Variants in KCTD13 observed in about 807,000 individuals in gnomAD.
KCTD13 encodes the protein BTB/POZ domain-containing adapter for CUL3-mediated RhoA degradation protein 1.
A neutral mutation model predicts 32.3 loss-of-function variants in KCTD13; 15 were observed. The observed-to-expected ratio is 0.46, with a 90% CI of 0.31 to 0.71. KCTD13 has a LOEUF of 0.71. KCTD13 is among the 30% of genes least tolerant of loss of function. The probability of loss-of-function intolerance (pLI) is 0.05; values close to 1 mark genes in which losing one functional copy is unlikely to be tolerated. For missense variants in KCTD13, 337 were observed against 452.6 expected (o/e 0.74, Z 2.32); for synonymous variants, 189 against 200.1 (o/e 0.94, Z 0.47).
chr16:29,909,265 A>T (rs1373385067), intron 5 of KCTD13, among the ~76,000 whole-genome samples: 4 of 152,170 alleles, frequency 2.6e-5, no homozygotes, highest in Admixed American at 6.6e-5. Context: ...GCTGGATTGA[A>T]AGTTCATGAG....
chr16:29,922,928 T>C, intron 2 of KCTD13: 1 of 474,796 alleles, frequency 2.1e-6, no homozygotes, highest in South Asian at 4.9e-5. Context: ...GGTGCGAGTG[T>C]AACAGCTGGA....
intron 5 of KCTD13, among the ~76,000 whole-genome samples, chr16:29,909,096 T>C (rs992710795): frequency 3.3e-5 from 5 of 152,064 alleles, no homozygotes; most frequent in Non-Finnish European, 7.4e-5. Flanking sequence ...GCTTCCACTG[T>C]GTGAAAAGGG....
chr16:29,925,600 G>A, intron 1 of KCTD13, 190 bp downstream of exon 1: 1 of 626,184 alleles, frequency 1.6e-6, no homozygotes, highest in Non-Finnish European at 2.8e-6. Flanking sequence ...AAAGGATTGG[G>A]GGAGGAGAAG....
chr16:29,919,095 A>G (rs953091640), intron 2 of KCTD13, among the ~76,000 whole-genome samples: 13 of 152,210 alleles, frequency 8.5e-5, no homozygotes, highest in East Asian at 1.9e-4. Flanking sequence ...TGCCCACCCA[A>G]TATCAGTCAT....
In KCTD13 at chr16:29,906,371, T is replaced by C. The variant is rs1330860099; in HGVS notation, c.*501A>G. 19 of 205,542 alleles carry C rather than the reference T, an allele frequency of 9.2e-5. No homozygotes were observed. The highest frequency in any genetic ancestry group is 1.9e-4 in the Non-Finnish European group (19 of 99,806). 12.7% of individuals were successfully genotyped at this position (205,542 alleles called of 1,614,324 possible). A position where few individuals can be genotyped will look rare whatever the true frequency, so the allele number is the denominator to read the frequency against. The stretch of plus-strand genomic sequence containing the variant: ...ACTTAACTTTATTTCAATAATTTAA[T>C]AGAAAATTAAAATAATAAATAATAT... On this transcript the variant is annotated 3_prime_UTR_variant, in exon 6 of 6. Coordinates refer to ENST00000568000, the MANE Select transcript of KCTD13 (RefSeq NM_178863.5).
chr16:29,913,415 T>C (rs1364941480), intron 2 of KCTD13: 1 of 152,196 alleles, frequency 6.6e-6, no homozygotes, highest in African/African-American at 2.4e-5. Flanking sequence ...GAATTGGTAT[T>C]TTTAAAAAGA....
intron 4 of KCTD13, 102 bp from the exon 5 acceptor site, chr16:29,911,275 C>T: frequency 2.1e-6 from 2 of 930,570 alleles, no homozygotes. Context: ...TGCTCCTGCC[C>T]AGGGCTTTGG....
At chr16:29,910,194 T>G (rs1202875914) in intron 5 of KCTD13, among the ~76,000 whole-genome samples, 1 of 150,906 alleles carries the variant, frequency 6.6e-6, no homozygotes, top group African/African-American at 2.4e-5. Flanking sequence ...GGTCAAGAGA[T>G]TGAGACCATC....
Position 29,923,231 on chromosome 16 carries a change from G to A in KCTD13, c.373C>T (p.Leu125=). The part of the protein sequence containing the change: ...GELLGEARYY[L]VQGLIEDCQL... ...CAGTCCTCAATCAGGCCCTGCACCA[G>A]GTAGTAGCGTGCTTCGCCCAGCAGC... Residue 125 remains leucine, a synonymous_variant, in exon 2 of 6, where the codon CTG becomes TTG. Transcript: ENST00000568000. The A allele has an allele frequency of 6.2e-7, 1 of 1,614,234 alleles. No homozygotes were observed. Among genetic ancestry groups the A allele is most frequent in the Non-Finnish European group, 8.5e-7 (1 of 1,180,048 alleles).
In KCTD13 at chr16:29,926,194, C is replaced by G; in HGVS notation, c.-161G>C. ...AAGACCGGCCCTCCGCCCCATCTCG[C>G]TCGCACCACCCGGAAGCCGGCGCCG... On this transcript the variant is annotated 5_prime_UTR_variant, in exon 1 of 6. Transcript: ENST00000568000. 1.2e-6 allele frequency: 1 copy of G among 823,724 alleles called. No individual in the cohort carries two copies. Among genetic ancestry groups the G allele is most frequent in the Non-Finnish European group, 1.7e-6 (1 of 586,310 alleles). 51.0% of individuals were successfully genotyped at this position (823,724 alleles called of 1,614,324 possible).
chr16:29,906,946 G>A lies in KCTD13; in HGVS notation c.916C>T (p.Arg306Cys), dbSNP rs372728677. 4.3e-6 allele frequency: 7 copies of A among 1,613,982 alleles called. No individual in the cohort carries two copies. Among genetic ancestry groups the A allele is most frequent in the East Asian group, 4.5e-5 (2 of 44,882 alleles). Residue 306 changes from arginine (R) to cysteine (C), a missense_variant, in exon 6 of 6, where the codon CGC becomes TGC. Around this residue, in one of 3 missense-constraint regions of KCTD13, gnomAD observed 252 missense variants for 340.2 expected, o/e 0.74. Coordinates refer to ENST00000568000, the MANE Select transcript of KCTD13 (RefSeq NM_178863.5). Reference sequence around the variant, plus strand: ...ATATGGCGCCGGACATGGATCCTGCGGACACGGTGCTCTCGGTTCTCTTCA... The same window carrying A: ...ATATGGCGCCGGACATGGATCCTGCAGACACGGTGCTCTCGGTTCTCTTCA... ...EDEENREHRV[R>C]RIHVRRHITH...
At chr16:29,917,425 T>A (rs749781930) in intron 2 of KCTD13, among the ~76,000 whole-genome samples, 38 of 152,136 alleles carry the variant, frequency 2.5e-4, no homozygotes, top group Non-Finnish European at 3.4e-4. Flanking sequence ...AGTGGGCAGA[T>A]CGCTTGAGCT....
Position 29,906,818 on chromosome 16 carries a change from AAG to A in KCTD13, c.*52_*53del. ...GGCAAAAGTCTGGGAAGGGGAGGGA[AAG>A]AGAGAGGGACTGGGTCCCAAGGCAA... On this transcript the variant is annotated 3_prime_UTR_variant, in exon 6 of 6. Coordinates refer to ENST00000568000, the MANE Select transcript of KCTD13 (RefSeq NM_178863.5). 2 of 1,501,330 alleles carry A rather than the reference AAG, an allele frequency of 1.3e-6. No individual in the cohort carries two copies. The highest frequency in any genetic ancestry group is 1.4e-5 in the African/African-American group (1 of 72,878). 93.0% of individuals were successfully genotyped at this position (1,501,330 alleles called of 1,614,324 possible).
At position 29,915,625 on chromosome 16, in the gene KCTD13, G is replaced by C. The variant is rs560939567; in HGVS notation, c.415-3576C>G. On this transcript the variant is annotated intron_variant, in intron 2 of 5. Transcript: ENST00000568000. Reference sequence around the variant, plus strand: ...TATCTCAAAAAAAAAAAAAAGAAAAGAAAAAGAAAAAAGAAAATCTCTGCA... The same window carrying C: ...TATCTCAAAAAAAAAAAAAAGAAAACAAAAAGAAAAAAGAAAATCTCTGCA... 1.1e-3 allele frequency among the ~76,000 whole-genome samples: 163 copies of C among 150,918 alleles called. 1 individual carries two copies. The highest frequency in any genetic ancestry group is 1.7e-3 in the Non-Finnish European group (116 of 67,658).
chr16:29,907,082 G>C lies in KCTD13; in HGVS notation c.780C>G (p.Phe260Leu). Residue 260 changes from phenylalanine (F) to leucine (L), a missense_variant, in exon 6 of 6, where the codon TTC (phenylalanine) becomes TTG (leucine). By Grantham distance (22) the Phe-to-Leu change is conservative. Coordinates refer to ENST00000568000, the MANE Select transcript of KCTD13 (RefSeq NM_178863.5). ...AGATGAGGATGTTCAGGGTCTCCTC[G>C]AAGATCCGGGCCTCTGGAAATTCCA... is the stretch of plus-strand genomic sequence containing the variant. ...TKVEFPEARI[F>L]EETLNILIYE... 1.1e-5 allele frequency: 18 copies of C among 1,610,734 alleles called. No individual in the cohort carries two copies. Among genetic ancestry groups the C allele is most frequent in the Non-Finnish European group, 1.4e-5 (17 of 1,177,352 alleles).
At position 29,926,038 on chromosome 16, in the gene KCTD13, G is replaced by C. The variant is rs749753341; in HGVS notation, c.-5C>G. 1.1e-5 allele frequency: 16 copies of C among 1,506,156 alleles called. No individual in the cohort carries two copies. In the African/African-American group the frequency reaches 2.3e-4, roughly 21 times the overall value. 93.3% of individuals were successfully genotyped at this position (1,506,156 alleles called of 1,614,324 possible). A position where few individuals can be genotyped will look rare whatever the true frequency, so the allele number is the denominator to read the frequency against. Reference sequence around the variant, plus strand: ...GCCCGAGGCCTCCGCCGACATGCCGGGTAGCAGCGGCGGACGGCGATCCCA... The same window carrying C: ...GCCCGAGGCCTCCGCCGACATGCCGCGTAGCAGCGGCGGACGGCGATCCCA... On this transcript the variant is annotated 5_prime_UTR_variant, in exon 1 of 6. Transcript: ENST00000568000.
At chr16:29,908,101 C>T (rs1275746153) in intron 5 of KCTD13, among the ~76,000 whole-genome samples, 2 of 151,874 alleles carry the variant, frequency 1.3e-5, no homozygotes, top group African/African-American at 4.8e-5. Flanking sequence ...CCAGGGAAGG[C>T]CTCACTGAGA....
chr16:29,925,861 G>A lies in KCTD13; in HGVS notation c.173C>T (p.Thr58Ile), dbSNP rs1317144900. The A allele has an allele frequency of 1.2e-6, 2 of 1,614,088 alleles. No homozygotes were observed. Among genetic ancestry groups the A allele is most frequent in the Non-Finnish European group, 8.5e-7 (1 of 1,179,992 alleles). Residue 58 changes from threonine (T) to isoleucine (I), a missense_variant, in exon 1 of 6, where the codon ACC becomes ATC. Transcript: ENST00000568000. ...GAGCATGGTGTCCTGTCCCGTGAGG[G>A]TGCGCAGCGTGGTGTAGTGCAACGA... ...GGSLHYTTLR[T>I]LTGQDTMLKA...
rs548114210 is a variant in KCTD13 at position 29,911,341 on chromosome 16, G to A, written c.558-168C>T. ...GGCCAGGCTAAACGGGTCTCAGAAGGGAAGCCACATGCGCTGAGCAAATCC... is the reference window on the plus strand; with the variant it reads ...GGCCAGGCTAAACGGGTCTCAGAAGAGAAGCCACATGCGCTGAGCAAATCC... On this transcript the variant is annotated intron_variant, in intron 4 of 5. Coordinates refer to ENST00000568000, the MANE Select transcript of KCTD13 (RefSeq NM_178863.5). The A allele has an allele frequency of 1.5e-5, 9 of 619,770 alleles. No homozygotes were observed. In the Admixed American group the frequency reaches 2.3e-4, roughly 16 times the overall value. The allele number at this position is 619,770 out of a possible 1,614,324, so 38.4% of individuals were successfully genotyped here.
Sources: gnomAD v4.1 joint callset for allele counts (sites outside exome capture counted in the v4.1 genomes callset) on GRCh38, gnomAD v4.1.1 for gene constraint, gnomAD v4.1.1 regional missense constraint, MANE v1.5 for transcripts, NCBI Gene and HGNC (gene_info 2026-07-23, HGNC 2026-07-21) for gene names.